SLC71A1: variants seen among roughly 807,000 people sequenced by gnomAD.
The protein encoded by SLC71A1 is hippocampus abundant gene transcript 1.
the SLC71A1 span, among the ~76,000 whole-genome samples, chr1:100,059,144 G>GTTTTTTTTTTTTTTTTTTTTTT: frequency 1.1e-4 from 8 of 75,428 alleles, 2 homozygotes; most frequent in African/African-American, 4.1e-4. Context: ...TCTTTTTCGT[G>GTTTTTTTTTTTTTTTTTTTTTT]TTTTTTTTTT....
chr1:100,045,813 A>AAAATAAATAAAT, the SLC71A1 span, among the ~76,000 whole-genome samples: 2 of 151,248 alleles, frequency 1.3e-5, no homozygotes, highest in Non-Finnish European at 3.0e-5. Context: ...ACTCTGTCTC[A>AAAATAAATAAAT]AAATAAATAA....
At chr1:100,066,737 C>G in the SLC71A1 span, among the ~76,000 whole-genome samples, 1 of 152,108 alleles carries the variant, frequency 6.6e-6, no homozygotes, top group African/African-American at 2.4e-5. Flanking sequence ...CGCCTGTAAT[C>G]CCAGCACTTT....
the SLC71A1 span, among the ~76,000 whole-genome samples, chr1:100,044,742 T>C: frequency 2.4e-4 from 36 of 152,276 alleles, no homozygotes; most frequent in Non-Finnish European, 4.4e-4. Context: ...GGACTCAAAC[T>C]ACTGACCTTA....
the SLC71A1 span, among the ~76,000 whole-genome samples, chr1:100,075,299 ATTTT>A: frequency 1.3e-5 from 2 of 152,328 alleles, no homozygotes; most frequent in African/African-American, 4.8e-5. Flanking sequence ...AGTGAAATCT[ATTTT>A]TTAACAGCAT....
chr1:100,072,282 T>A, the SLC71A1 span, among the ~76,000 whole-genome samples: 41 of 152,338 alleles, frequency 2.7e-4, no homozygotes, highest in African/African-American at 9.9e-4. Flanking sequence ...CATTAATGCA[T>A]GTTTGCTTTA....
chr1:100,058,651 G>C, the SLC71A1 span: 1 of 1,408,268 alleles, frequency 7.1e-7, no homozygotes, highest in Non-Finnish European at 1.0e-6. Flanking sequence ...TTTTATTTTG[G>C]TTTTTATTCT....
the SLC71A1 span, chr1:100,058,520 T>C: frequency 3.3e-6 from 2 of 602,612 alleles, no homozygotes; most frequent in Non-Finnish European, 6.1e-6. Flanking sequence ...TATTTGGTTA[T>C]TAATGGTCAT....
At chr1:100,077,822 G>T in the SLC71A1 span, among the ~76,000 whole-genome samples, 1 of 152,222 alleles carries the variant, frequency 6.6e-6, no homozygotes, top group East Asian at 1.9e-4. Flanking sequence ...TTGTGCTCAG[G>T]CATTATGGCA....
the SLC71A1 span, among the ~76,000 whole-genome samples, chr1:100,066,760 C>T: frequency 3.3e-5 from 5 of 152,062 alleles, no homozygotes; most frequent in South Asian, 2.1e-4. Context: ...GAGGCCGAGG[C>T]GGGCGGATCA....
At chr1:100,038,145 C>A in the SLC71A1 span, 1 of 1,211,718 alleles carries the variant, frequency 8.3e-7, no homozygotes, top group Non-Finnish European at 1.2e-6. Context: ...AGCGGCTCGG[C>A]CCGGCAGTAG....
chr1:100,038,196 A>T, the SLC71A1 span: 1 of 1,522,446 alleles, frequency 6.6e-7, no homozygotes, highest in Non-Finnish European at 8.9e-7. Flanking sequence ...CCGCCCCGGG[A>T]GTGGCTGCAG....
chr1:100,072,623 A>G, the SLC71A1 span, among the ~76,000 whole-genome samples: 1 of 152,122 alleles, frequency 6.6e-6, no homozygotes, highest in Non-Finnish European at 1.5e-5. Context: ...AGCACTTTAA[A>G]ATTGGGAAGT....
At chr1:100,050,495 C>T in the SLC71A1 span, among the ~76,000 whole-genome samples, 14 of 152,118 alleles carry the variant, frequency 9.2e-5, no homozygotes, top group Non-Finnish European at 1.9e-4. Flanking sequence ...CCCGACCAAA[C>T]AACTCAGAAG....
the SLC71A1 span, among the ~76,000 whole-genome samples, chr1:100,039,275 C>T: frequency 0.016 from 2,479 of 152,282 alleles, 74 homozygotes; most frequent in African/African-American, 0.055. Flanking sequence ...CTGAAGTGTG[C>T]AGAAATTGTA....
chr1:100,078,465 C>T, the SLC71A1 span: 1 of 1,611,612 alleles, frequency 6.2e-7, no homozygotes, highest in Non-Finnish European at 8.5e-7. Flanking sequence ...ATGTGGGCTG[C>T]TGGGGCAGTA....
the SLC71A1 span, among the ~76,000 whole-genome samples, chr1:100,044,978 A>G: frequency 3.9e-5 from 6 of 151,990 alleles, no homozygotes; most frequent in East Asian, 1.9e-4. Context: ...TGCTTTGGCT[A>G]TGTGGGCTCT....
At chr1:100,047,668 C>T in the SLC71A1 span, among the ~76,000 whole-genome samples, 11 of 152,282 alleles carry the variant, frequency 7.2e-5, 1 homozygote, top group South Asian at 6.2e-4. Flanking sequence ...GTGATCCACC[C>T]GCTTTGGCCT....
the SLC71A1 span, chr1:100,077,066 C>T: frequency 6.4e-6 from 4 of 624,948 alleles, no homozygotes; most frequent in African/African-American, 7.6e-5. Flanking sequence ...GAAAATCAGC[C>T]AAATTGTAGA....
At chr1:100,063,305 AAC>A in the SLC71A1 span, among the ~76,000 whole-genome samples, 2 of 146,870 alleles carry the variant, frequency 1.4e-5, no homozygotes, top group East Asian at 3.9e-4. Flanking sequence ...CAAAACAAAA[AAC>A]ACTGAAATCT....
Sources: gnomAD v4.1 joint callset for allele counts (sites outside exome capture counted in the v4.1 genomes callset) on GRCh38, gnomAD v4.1.1 for gene constraint, MANE v1.5 for transcripts, NCBI Gene and HGNC (gene_info 2026-07-23, HGNC 2026-07-21) for gene names.